Variants in SLC39A11 observed in about 807,000 individuals in gnomAD.
The protein encoded by SLC39A11 is solute carrier family 39 member 11, also known as zinc transporter ZIP11.
SLC39A11 carries 33 observed loss-of-function variants against 36.1 expected under a neutral mutation model. The observed-to-expected ratio is 0.91, with a 90% confidence interval of 0.69 to 1.22. SLC39A11 has a LOEUF of 1.22. Among genes scored for constraint, SLC39A11 ranks in the 50% most tolerant of loss-of-function variants. The probability of loss-of-function intolerance (pLI) is 0.00; values close to 1 mark genes in which losing one functional copy is unlikely to be tolerated. For synonymous variants in SLC39A11, 166 were observed against 170.3 expected, an observed-to-expected ratio of 0.97 and a Z score of 0.20; for missense variants, 432 against 430.3, an observed-to-expected ratio of 1.00 and a Z score of -0.03.
At chr17:72,767,043 G>A (rs56880183) in intron 6 of SLC39A11, among the ~76,000 whole-genome samples, 2,616 of 152,242 alleles carry the variant, frequency 0.017, 71 homozygotes, top group African/African-American at 0.058. Flanking sequence ...CCAAGCCTGT[G>A]ATAAGCTCTC....
At chr17:73,067,935 G>A in intron 3 of SLC39A11, 1 of 1,603,152 alleles carries the variant, frequency 6.2e-7, no homozygotes, top group Non-Finnish European at 8.5e-7. Context: ...CACTCAGAGA[G>A]AGTTCCAACT....
At chr17:72,973,308 A>G (rs529768128) in intron 4 of SLC39A11, among the ~76,000 whole-genome samples, 1 of 111,446 alleles carries the variant, frequency 9.0e-6, no homozygotes, top group East Asian at 2.1e-4. Flanking sequence ...CAGTGGCCCC[A>G]GCACTGCCGG....
At chr17:72,682,820 T>C (rs1323415464) in intron 7 of SLC39A11, among the ~76,000 whole-genome samples, 1 of 152,192 alleles carries the variant, frequency 6.6e-6, no homozygotes, top group African/African-American at 2.4e-5. Flanking sequence ...AGTCCTTTAT[T>C]TATATAACTG....
At chr17:73,028,799 C>A (rs566446399) in intron 4 of SLC39A11, among the ~76,000 whole-genome samples, 2 of 105,098 alleles carry the variant, frequency 1.9e-5, no homozygotes, top group African/African-American at 5.7e-5. Context: ...CAAATATGAA[C>A]CAAAAGGTTT....
intron 5 of SLC39A11, among the ~76,000 whole-genome samples, chr17:72,876,049 C>T (rs188905408): frequency 6.6e-6 from 1 of 152,160 alleles, no homozygotes; most frequent in Admixed American, 6.5e-5. Flanking sequence ...AATATAACTG[C>T]AAAACTGCCC....
At chr17:72,971,336 A>ACACACACACTCTCT (rs1555657685) in intron 4 of SLC39A11, among the ~76,000 whole-genome samples, 11 of 143,498 alleles carry the variant, frequency 7.7e-5, no homozygotes, top group African/African-American at 2.8e-4. Flanking sequence ...ACACACACAC[A>ACACACACACTCTCT]CTCTCTCTCT....
At chr17:72,964,771 T>C (rs1401623587) in intron 4 of SLC39A11, among the ~76,000 whole-genome samples, 2 of 152,210 alleles carry the variant, frequency 1.3e-5, no homozygotes, top group East Asian at 1.9e-4. Flanking sequence ...CAAAGGACTA[T>C]AAATCATGCT....
intron 5 of SLC39A11, among the ~76,000 whole-genome samples, chr17:72,929,634 G>A (rs1424702183): frequency 1.3e-5 from 2 of 152,154 alleles, no homozygotes; most frequent in East Asian, 1.9e-4. Context: ...TAAGATTAAG[G>A]GTGCAAATTT....
chr17:72,972,188 G>T (rs4968998), intron 4 of SLC39A11, among the ~76,000 whole-genome samples: 128,021 of 151,970 alleles, frequency 0.84, 55,128 homozygotes, highest in Middle Eastern at 0.94. Context: ...AAAAGGACAC[G>T]TTATAGTTAT....
chr17:73,055,228 A>G (rs2059627799), intron 3 of SLC39A11, among the ~76,000 whole-genome samples: 1 of 152,056 alleles, frequency 6.6e-6, no homozygotes, highest in African/African-American at 2.4e-5. Flanking sequence ...AGTGCTCCAC[A>G]TTCATTCATG....
intron 9 of SLC39A11, 113 bp from the exon 10 acceptor site, chr17:72,647,775 A>G: frequency 1.3e-6 from 1 of 775,262 alleles, no homozygotes; most frequent in Non-Finnish European, 2.2e-6. Flanking sequence ...ACTACCATTA[A>G]TAATGGTAAC....
intron 4 of SLC39A11, among the ~76,000 whole-genome samples, chr17:72,953,833 G>A (rs1027162449): frequency 3.9e-5 from 6 of 152,274 alleles, no homozygotes; most frequent in South Asian, 2.1e-4. Context: ...ACTAACAACC[G>A]TGTCTGAGGA....
intron 6 of SLC39A11, among the ~76,000 whole-genome samples, chr17:72,802,708 T>A (rs569203678): frequency 8.6e-5 from 13 of 151,916 alleles, no homozygotes; most frequent in Non-Finnish European, 1.3e-4. Context: ...TGGTGGGGAA[T>A]AGGGGCTGGA....
intron 3 of SLC39A11, among the ~76,000 whole-genome samples, chr17:73,047,990 A>AAAAT (rs1555693446): frequency 1.2e-4 from 7 of 58,706 alleles, no homozygotes; most frequent in African/African-American, 2.6e-4. Context: ...AAAAAAAAAA[A>AAAAT]ATATATATAT....
chr17:72,828,750 G>T (rs534214298), intron 6 of SLC39A11, among the ~76,000 whole-genome samples: 52 of 152,220 alleles, frequency 3.4e-4, no homozygotes, highest in African/African-American at 1.2e-3. Flanking sequence ...GACACCATAT[G>T]GCCCCACCCT....
chr17:73,027,271 T>TA (rs765550847), intron 4 of SLC39A11, among the ~76,000 whole-genome samples: 3 of 152,234 alleles, frequency 2.0e-5, no homozygotes, highest in Non-Finnish European at 2.9e-5. Context: ...AGAACCATCC[T>TA]AAGGGGAGCA....
intron 3 of SLC39A11, chr17:73,073,914 T>C (rs2060239284): frequency 1.3e-5 from 2 of 152,088 alleles, no homozygotes. Flanking sequence ...GCCTATTCCT[T>C]GCATATGGTC....
chr17:72,917,883 C>T (rs1290810239), intron 5 of SLC39A11, among the ~76,000 whole-genome samples: 2 of 152,218 alleles, frequency 1.3e-5, no homozygotes, highest in East Asian at 3.8e-4. Flanking sequence ...CCACCAGCTA[C>T]CTACAGCAGG....
Position 72,864,904 on chromosome 17 carries a change from C to T in SLC39A11, c.431-15100G>A, listed in dbSNP as rs182250942. 4.6e-5 allele frequency among the ~76,000 whole-genome samples: 7 copies of T among 152,268 alleles called. No homozygotes were observed. In the East Asian group the frequency reaches 1.2e-3, roughly 25 times the overall value. On this transcript the variant is annotated intron_variant, in intron 5 of 9. Coordinates refer to ENST00000255559, the MANE Select transcript of SLC39A11 (RefSeq NM_139177.4). ...GGCTGTTCCCTGGCCGAGCCCAGAA[C>T]ACGAAGGACCCAGCTAGGGAGTAAA...
Sources: allele counts gnomAD v4.1 joint callset (sites outside exome capture counted in the v4.1 genomes callset), GRCh38; gene constraint gnomAD v4.1.1; transcripts MANE v1.5; gene names NCBI Gene and HGNC (gene_info 2026-07-23, HGNC 2026-07-21).